Variants in TLN2 observed in about 807,000 individuals in gnomAD.
The protein encoded by TLN2 is talin-2.
A neutral mutation model predicts 294.7 loss-of-function variants in TLN2; 118 were observed. That is an observed-to-expected ratio of 0.40 (90% confidence interval 0.34 to 0.47). TLN2 has a LOEUF of 0.47. Among genes scored for constraint, TLN2 ranks in the 20% least tolerant of loss-of-function variants. The pLI, the probability that TLN2 is intolerant of heterozygous loss-of-function variation, is 0.84. For missense variants in TLN2, 3,083 were observed against 3,282.2 expected (o/e 0.94, Z 1.48); for synonymous variants, 1,431 against 1,304.5 (o/e 1.10, Z -2.09).
intron 1 of TLN2, among the ~76,000 whole-genome samples, chr15:62,418,419 G>C (rs1471408401): frequency 6.6e-6 from 1 of 152,234 alleles, no homozygotes; most frequent in African/African-American, 2.4e-5. Flanking sequence ...AACTTGGAAA[G>C]AGAAATCCTT....
chr15:62,473,331 C>G (rs1489245803), intron 1 of TLN2, among the ~76,000 whole-genome samples: 1 of 151,646 alleles, frequency 6.6e-6, no homozygotes, highest in Non-Finnish European at 1.5e-5. Context: ...GTCCCTGTCA[C>G]TAACACAAAA....
intron 2 of TLN2, among the ~76,000 whole-genome samples, chr15:62,598,227 T>C (rs1454490416): frequency 6.6e-6 from 1 of 152,180 alleles, no homozygotes; most frequent in African/African-American, 2.4e-5. Context: ...TCTGAGACCT[T>C]TCCTGTAGTG....
chr15:62,671,097 C>T (rs538342344), intron 9 of TLN2, among the ~76,000 whole-genome samples: 54 of 152,272 alleles, frequency 3.5e-4, no homozygotes, highest in African/African-American at 1.3e-3. Flanking sequence ...GGAGAAATGA[C>T]TGTTCATGTC....
intron 9 of TLN2, among the ~76,000 whole-genome samples, chr15:62,673,565 CT>C (rs10539693): frequency 0.056 from 7,872 of 139,380 alleles, 619 homozygotes; most frequent in African/African-American, 0.18. Flanking sequence ...CTCTTGTGCT[CT>C]TTTTTTTTTT....
intron 1 of TLN2, among the ~76,000 whole-genome samples, chr15:62,429,390 A>G (rs1362617672): frequency 6.6e-6 from 1 of 152,114 alleles, no homozygotes; most frequent in Non-Finnish European, 1.5e-5. Context: ...CGTTTATGAA[A>G]AGCACATGTG....
chr15:62,690,798 G>A (rs2141060222), intron 12 of TLN2, among the ~76,000 whole-genome samples: 1 of 151,352 alleles, frequency 6.6e-6, no homozygotes, highest in South Asian at 2.1e-4. Context: ...ATCACTCGCG[G>A]TTAGGAGCTG....
intron 54 of TLN2, among the ~76,000 whole-genome samples, chr15:62,821,218 G>A (rs17814393): frequency 0.032 from 4,872 of 152,352 alleles, 105 homozygotes; most frequent in Admixed American, 0.047. Flanking sequence ...ATAAAAGGAT[G>A]ACAAGCTAGT....
intron 1 of TLN2, among the ~76,000 whole-genome samples, chr15:62,504,198 C>A (rs1595958530): frequency 6.6e-6 from 1 of 152,274 alleles, no homozygotes; most frequent in African/African-American, 2.4e-5. Flanking sequence ...GAAACAGATA[C>A]CGTTTTTATA....
intron 32 of TLN2, among the ~76,000 whole-genome samples, chr15:62,745,737 C>G (rs2061572925): frequency 6.6e-6 from 1 of 152,132 alleles, no homozygotes; most frequent in Admixed American, 6.5e-5. Flanking sequence ...GCTCCGTATT[C>G]TTTGCTCTTA....
intron 2 of TLN2, among the ~76,000 whole-genome samples, chr15:62,594,572 C>T (rs1037662388): frequency 1.3e-5 from 2 of 152,116 alleles, no homozygotes; most frequent in Non-Finnish European, 2.9e-5. Context: ...GCAGTCTCTT[C>T]AATAAATAGT....
chr15:62,549,082 T>G (rs1362303497), intron 1 of TLN2, among the ~76,000 whole-genome samples: 1 of 152,162 alleles, frequency 6.6e-6, no homozygotes, highest in African/African-American at 2.4e-5. Context: ...TTTAGCTGTT[T>G]AGTAGGACTG....
chr15:62,757,644 G>A (rs374137038), intron 37 of TLN2, among the ~76,000 whole-genome samples: 5 of 152,182 alleles, frequency 3.3e-5, no homozygotes, highest in African/African-American at 7.2e-5. Flanking sequence ...CCCTCTTTGC[G>A]ATTCCCTGCA....
chr15:62,693,618 A>T (rs2058092500), intron 13 of TLN2, among the ~76,000 whole-genome samples: 1 of 151,852 alleles, frequency 6.6e-6, no homozygotes, highest in Non-Finnish European at 1.5e-5. Flanking sequence ...TTTTTTTTAA[A>T]CAAATGTAAT....
At chr15:62,779,904 TCA>T (rs893112790) in intron 43 of TLN2, among the ~76,000 whole-genome samples, 2 of 152,232 alleles carry the variant, frequency 1.3e-5, no homozygotes, top group African/African-American at 4.8e-5. Flanking sequence ...TTCCTTTCAC[TCA>T]CAGTGCAGTA....
At chr15:62,515,709 G>C (rs1049266275) in intron 1 of TLN2, among the ~76,000 whole-genome samples, 4 of 149,524 alleles carry the variant, frequency 2.7e-5, no homozygotes, top group Non-Finnish European at 4.4e-5. Flanking sequence ...GTGCATGTTG[G>C]GGTTTTTGGT....
At chr15:62,667,074 T>C (rs1008250862) in intron 9 of TLN2, among the ~76,000 whole-genome samples, 41 of 152,310 alleles carry the variant, frequency 2.7e-4, no homozygotes, top group Middle Eastern at 3.4e-3. Flanking sequence ...CAGGCCGTTC[T>C]CCTGCCTCAG....
At chr15:62,414,530 C>A (rs979423899) in intron 1 of TLN2, among the ~76,000 whole-genome samples, 3 of 140,304 alleles carry the variant, frequency 2.1e-5, no homozygotes, top group African/African-American at 7.6e-5. Flanking sequence ...CTGAACCATA[C>A]GCTCTGGGCT....
At chr15:62,776,943 T>A (rs1379832278) in intron 43 of TLN2, 33 bp downstream of exon 43, 1 of 1,441,158 alleles carries the variant, frequency 6.9e-7, no homozygotes. Context: ...TCTACTCCCT[T>A]ATCTCCCTCA....
chr15:62,430,283 A>G (rs1427591408), intron 1 of TLN2, among the ~76,000 whole-genome samples: 1 of 152,210 alleles, frequency 6.6e-6, no homozygotes, highest in Admixed American at 6.5e-5. Context: ...CTTAAGTGGA[A>G]AGCAAATTTG....
Sources: gnomAD v4.1 joint callset for allele counts (sites outside exome capture counted in the v4.1 genomes callset) on GRCh38, gnomAD v4.1.1 for gene constraint, MANE v1.5 for transcripts, NCBI Gene and HGNC (gene_info 2026-07-23, HGNC 2026-07-21) for gene names.